CRHR1: variants seen among roughly 807,000 people sequenced by gnomAD.
CRHR1 encodes corticotropin-releasing hormone receptor 1.
A neutral mutation model predicts 56.0 loss-of-function variants in CRHR1; 28 were observed. The observed-to-expected ratio is 0.50, with a 90% CI of 0.37 to 0.69. The LOEUF (loss-of-function observed/expected upper bound fraction) is 0.69, where lower values mean the gene tolerates loss of function less well. Among genes scored for constraint, CRHR1 ranks in the 30% least tolerant of loss-of-function variants. The probability of loss-of-function intolerance (pLI) is 0.00; values close to 1 mark genes in which losing one functional copy is unlikely to be tolerated. For missense variants in CRHR1, 376 were observed against 548.0 expected (o/e 0.69, Z 3.13); for synonymous variants, 195 against 216.5 (o/e 0.90, Z 0.87).
chr17:45,832,392 T>C (rs1048253150), intron 8 of CRHR1, among the ~76,000 whole-genome samples: 10 of 152,262 alleles, frequency 6.6e-5, no homozygotes, highest in Admixed American at 5.2e-4. Flanking sequence ...GCCCGAGGAC[T>C]GGACCCGGCC....
At chr17:45,799,709 G>C (rs1026886236) in intron 1 of CRHR1, 1 of 152,206 alleles carries the variant, frequency 6.6e-6, no homozygotes, top group Non-Finnish European at 1.5e-5. Context: ...GTCAGGGTCC[G>C]CCAGAGTCTC....
chr17:45,801,356 C>T (rs1009380419), intron 1 of CRHR1, among the ~76,000 whole-genome samples: 1 of 152,266 alleles, frequency 6.6e-6, no homozygotes, highest in African/African-American at 2.4e-5. Flanking sequence ...AGTTATGTGA[C>T]ATTGGGTACA....
chr17:45,786,807 A>T (rs2061345424), intron 1 of CRHR1, among the ~76,000 whole-genome samples: 1 of 151,876 alleles, frequency 6.6e-6, no homozygotes. Flanking sequence ...CACCCAGCTA[A>T]TCTTTGTATT....
intron 3 of CRHR1, among the ~76,000 whole-genome samples, chr17:45,817,828 G>C (rs2061959975): frequency 6.6e-6 from 1 of 152,226 alleles, no homozygotes; most frequent in African/African-American, 2.4e-5. Context: ...GCCAAGGGGA[G>C]GAAGTGCAGA....
At chr17:45,819,424 TAACTC>T (rs1328301621) in intron 3 of CRHR1, among the ~76,000 whole-genome samples, 1 of 152,094 alleles carries the variant, frequency 6.6e-6, no homozygotes, top group East Asian at 1.9e-4. Flanking sequence ...TGCTGCCTCT[TAACTC>T]AAGAACCACC....
At chr17:45,810,272 G>A (rs1008324110) in intron 2 of CRHR1, among the ~76,000 whole-genome samples, 5 of 152,098 alleles carry the variant, frequency 3.3e-5, no homozygotes, top group African/African-American at 4.8e-5. Flanking sequence ...GCGACAGAGC[G>A]AGACTCTGTC....
At chr17:45,823,195 C>T (rs1171849865) in intron 4 of CRHR1, among the ~76,000 whole-genome samples, 1 of 151,672 alleles carries the variant, frequency 6.6e-6, no homozygotes, top group Non-Finnish European at 1.5e-5. Flanking sequence ...AATACAGGTC[C>T]CAGGGCCACA....
At chr17:45,805,334 G>A (rs1009984045) in intron 1 of CRHR1, among the ~76,000 whole-genome samples, 3 of 152,028 alleles carry the variant, frequency 2.0e-5, no homozygotes, top group African/African-American at 4.8e-5. Context: ...CACTCACCAC[G>A]TGGAGTCCCG....
chr17:45,784,699 G>A lies in CRHR1; in HGVS notation c.33+122G>A, dbSNP rs985854655. On this transcript the variant is annotated intron_variant, in intron 1 of 12. Transcript: ENST00000314537. The surrounding 1 kb of genome is among the most constrained non-coding windows in gnomAD (Gnocchi z 4.2). ...CTGGGAGAGCCGTGCTTAGGTCGGG[G>A]AAGGCTGGGCTCCGGGGCAGCCTAA... is the stretch of plus-strand genomic sequence containing the variant. The A allele has an allele frequency of 4.7e-6, 5 of 1,071,708 alleles. No individual in the cohort carries two copies. The African/African-American group carries it at 6.6e-5, about 14-fold the overall frequency. 66.4% of individuals were successfully genotyped at this position (1,071,708 alleles called of 1,614,324 possible).
Position 45,829,231 on chromosome 17 carries a change from A to C in CRHR1, c.344A>C (p.His115Pro). The C allele has an allele frequency of 6.2e-7, 1 of 1,614,000 alleles. No homozygotes were observed. Among genetic ancestry groups the C allele is most frequent in the Admixed American group, 1.7e-5 (1 of 59,996 alleles). ...CTGCTCCAGAAAAAAAGCAAGGTGC[A>C]CTACCATGTCGCAGTCATCATCAAC... ...ILNEEKKSKV[H>P]YHVAVIINYL... The change falls in exon 5 of 13, where the codon CAC (histidine) becomes CCC (proline). Residue 115 changes from histidine to proline, a missense_variant. His to Pro is a moderately conservative substitution (Grantham distance 77, BLOSUM62 -2). Coordinates refer to ENST00000314537, the MANE Select transcript of CRHR1 (RefSeq NM_004382.5).
At chr17:45,804,721 G>T (rs1332367234) in intron 1 of CRHR1, among the ~76,000 whole-genome samples, 1 of 152,132 alleles carries the variant, frequency 6.6e-6, no homozygotes, top group Admixed American at 6.6e-5. Flanking sequence ...AGGGAAGGAG[G>T]GATGGCGTCT....
At chr17:45,822,871 T>C (rs769151759) in intron 4 of CRHR1, among the ~76,000 whole-genome samples, 7 of 140,914 alleles carry the variant, frequency 5.0e-5, no homozygotes, top group Non-Finnish European at 7.6e-5. Context: ...TGGGGCCAAG[T>C]GCGGTGGCTC....
chr17:45,792,758 C>A (rs542805101), intron 1 of CRHR1, among the ~76,000 whole-genome samples: 25 of 152,168 alleles, frequency 1.6e-4, no homozygotes, highest in Non-Finnish European at 3.2e-4. Flanking sequence ...GGCTGTCCCA[C>A]AACATGGGGT....
Position 45,834,198 on chromosome 17 carries a change from G to T in CRHR1, c.1107+150G>T, listed in dbSNP as rs2062385369. ...GGGGTATGCTGCTGGGAGCCCCAGG[G>T]TGGCCCCTCCCACCTGTCCACTCCC... On this transcript the variant is annotated intron_variant, in intron 12 of 12. Transcript: ENST00000314537. 4 of 982,552 alleles carry T rather than the reference G, an allele frequency of 4.1e-6. 1 individual carries two copies. In the South Asian group the frequency reaches 5.9e-5, roughly 15 times the overall value. 60.9% of individuals were successfully genotyped at this position (982,552 alleles called of 1,614,324 possible). A position where few individuals can be genotyped will look rare whatever the true frequency, so the allele number is the denominator to read the frequency against.
In CRHR1 at chr17:45,835,675, A is replaced by G. The variant is rs2143299190; in HGVS notation, c.*911A>G. 1 of 152,036 alleles carries G rather than the reference A, an allele frequency of 6.6e-6. No individual in the cohort carries two copies. The highest frequency in any genetic ancestry group is 1.9e-4 in the East Asian group (1 of 5,146). 9.4% of individuals were successfully genotyped at this position (152,036 alleles called of 1,614,324 possible). A position where few individuals can be genotyped will look rare whatever the true frequency, so the allele number is the denominator to read the frequency against. Reference sequence around the variant, plus strand: ...GCTCTTGGGACAACGTGCTGCTTACACTCCAGGTGTGGACCGGCCGCAGCC... The same window carrying G: ...GCTCTTGGGACAACGTGCTGCTTACGCTCCAGGTGTGGACCGGCCGCAGCC... On this transcript the variant is annotated 3_prime_UTR_variant, in exon 13 of 13. Coordinates refer to ENST00000314537, the MANE Select transcript of CRHR1 (RefSeq NM_004382.5).
intron 3 of CRHR1, among the ~76,000 whole-genome samples, chr17:45,817,193 AC>A (rs2061946962): frequency 6.6e-6 from 1 of 151,852 alleles, no homozygotes; most frequent in African/African-American, 2.4e-5. Context: ...GAGGCCCGAA[AC>A]CCCCAGAGCC....
intron 1 of CRHR1, among the ~76,000 whole-genome samples, chr17:45,787,405 C>T (rs543117408): frequency 1.6e-3 from 241 of 152,260 alleles, no homozygotes; most frequent in African/African-American, 4.9e-3. Context: ...AAGGCAAGGC[C>T]TCTGGATGGA....
intron 1 of CRHR1, among the ~76,000 whole-genome samples, chr17:45,796,061 T>TA (rs1245515826): frequency 3.3e-5 from 5 of 152,206 alleles, no homozygotes; most frequent in Non-Finnish European, 7.3e-5. Context: ...AAATCCCTTT[T>TA]AAAACGCAGC....
chr17:45,793,131 G>A (rs576870586), intron 1 of CRHR1, among the ~76,000 whole-genome samples: 3 of 152,344 alleles, frequency 2.0e-5, no homozygotes, highest in South Asian at 2.1e-4. Context: ...CTCTGCCTCC[G>A]CGTGTGGATT....
Sources: gnomAD v4.1 joint callset for allele counts (sites outside exome capture counted in the v4.1 genomes callset) on GRCh38, gnomAD v4.1.1 for gene constraint, Gnocchi (gnomAD v3.1) non-coding constraint, MANE v1.5 for transcripts, NCBI Gene and HGNC (gene_info 2026-07-23, HGNC 2026-07-21) for gene names.